LOXL2: variants seen among roughly 807,000 people sequenced by gnomAD.
The protein encoded by LOXL2 is lysyl oxidase like 2, also known as lysyl oxidase homolog 2.
LOXL2 carries 70 observed loss-of-function variants against 93.0 expected under a neutral mutation model. That is an observed-to-expected ratio of 0.75 (90% confidence interval 0.62 to 0.92). The LOEUF is 0.92. Among genes scored for constraint, LOXL2 ranks in the 40% least tolerant of loss-of-function variants. The pLI, the probability that LOXL2 is intolerant of heterozygous loss-of-function variation, is 0.00. For missense variants in LOXL2, 973 were observed against 1,054.9 expected (o/e 0.92, Z 1.08); for synonymous variants, 438 against 413.2 (o/e 1.06, Z -0.73).
At chr8:23,304,960 A>T (rs1172301913) in intron 10 of LOXL2, among the ~76,000 whole-genome samples, 1 of 152,200 alleles carries the variant, frequency 6.6e-6, no homozygotes, top group Non-Finnish European at 1.5e-5. Flanking sequence ...GCTAAAAATA[A>T]TATCAGAAGT....
chr8:23,365,749 A>T (rs536353757), intron 2 of LOXL2: 2 of 152,094 alleles, frequency 1.3e-5, no homozygotes, highest in Admixed American at 6.6e-5. Context: ...TCTCCATTTC[A>T]CCTTTCCTGC....
rs1215587111 is a variant in LOXL2, at chr8:23,368,416, C to T, written c.-65G>A. ...GCAGCTGGGAGGGACAGGCGGGGTA[C>T]AGAAGCAGCAGGAGCTTTCTGGAAG... On this transcript the variant is annotated 5_prime_UTR_variant, in exon 2 of 14. Coordinates refer to ENST00000389131, the MANE Select transcript of LOXL2 (RefSeq NM_002318.3). The T allele has an allele frequency of 7.2e-7, 1 of 1,379,774 alleles. No individual in the cohort carries two copies. The highest frequency in any genetic ancestry group is 1.0e-6 in the Non-Finnish European group (1 of 982,064). The allele number at this position is 1,379,774 out of a possible 1,614,324, so 85.5% of individuals were successfully genotyped here.
chr8:23,314,832 G>T (rs9644069), intron 9 of LOXL2, among the ~76,000 whole-genome samples: 36 of 149,268 alleles, frequency 2.4e-4, no homozygotes, highest in Admixed American at 2.3e-3. Flanking sequence ...AACGAAAAAA[G>T]AAAAAAATAA....
intron 3 of LOXL2, among the ~76,000 whole-genome samples, chr8:23,352,609 G>A (rs1169653449): frequency 6.6e-6 from 1 of 152,076 alleles, no homozygotes. Flanking sequence ...GAAACATTTG[G>A]CAGCTAACTG....
chr8:23,305,120 A>G (rs897529427), intron 10 of LOXL2, among the ~76,000 whole-genome samples: 3 of 152,196 alleles, frequency 2.0e-5, no homozygotes, highest in African/African-American at 4.8e-5. Context: ...AAGGAGCAAG[A>G]AGAGACATGA....
chr8:23,344,422 C>G (rs1803935141), intron 3 of LOXL2, among the ~76,000 whole-genome samples: 1 of 151,268 alleles, frequency 6.6e-6, no homozygotes, highest in African/African-American at 2.4e-5. Flanking sequence ...TGTGTGTGTG[C>G]ATGGTGGTGT....
chr8:23,379,518 T>C (rs1229041448), intron 1 of LOXL2, among the ~76,000 whole-genome samples: 5 of 152,234 alleles, frequency 3.3e-5, no homozygotes, highest in Non-Finnish European at 7.3e-5. Context: ...TGTTCGGCCA[T>C]GCCCTGCCCC....
chr8:23,388,335 T>C lies in LOXL2; in HGVS notation c.-84+15619A>G, dbSNP rs191084421. Reference sequence around the variant, plus strand: ...GCTCATGCCTGTAATCCTGGCACTTTGGGAGGCCAAGGTGGGATGATTGCT... The same window carrying C: ...GCTCATGCCTGTAATCCTGGCACTTCGGGAGGCCAAGGTGGGATGATTGCT... On this transcript the variant is annotated intron_variant, in intron 1 of 13. Coordinates refer to ENST00000389131, the MANE Select transcript of LOXL2 (RefSeq NM_002318.3). Among the ~76,000 whole-genome samples the C allele has an allele frequency of 2.8e-3, 424 of 152,274 alleles. 1 individual carries two copies. The highest frequency in any genetic ancestry group is 2.3e-3 in the Non-Finnish European group (158 of 68,010).
intron 4 of LOXL2, among the ~76,000 whole-genome samples, chr8:23,339,713 G>A (rs969909278): frequency 2.0e-5 from 3 of 152,206 alleles, no homozygotes; most frequent in Admixed American, 6.5e-5. Flanking sequence ...GAGTCGGGTG[G>A]GAGTTCTCCA....
At chr8:23,358,134 C>T (rs568535805) in intron 3 of LOXL2, among the ~76,000 whole-genome samples, 6 of 152,266 alleles carry the variant, frequency 3.9e-5, no homozygotes, top group African/African-American at 1.2e-4. Flanking sequence ...CAAGCCCATC[C>T]GTCAGATCAT....
intron 2 of LOXL2, 64 bp from the exon 3 acceptor site, chr8:23,360,329 G>A: frequency 7.9e-7 from 1 of 1,268,944 alleles, no homozygotes; most frequent in Non-Finnish European, 1.1e-6. Flanking sequence ...TCTTTGCGGG[G>A]CACCAGTGTC....
Position 23,320,179 on chromosome 8 carries a change from G to A in LOXL2, c.1303-127C>T, listed in dbSNP as rs1803471761. 5 of 1,015,954 alleles carry A rather than the reference G, an allele frequency of 4.9e-6. No individual in the cohort carries two copies. In the East Asian group the frequency reaches 1.3e-4, roughly 26 times the overall value. The allele number at this position is 1,015,954 out of a possible 1,614,324, so 62.9% of individuals were successfully genotyped here. A position where few individuals can be genotyped will look rare whatever the true frequency, so the allele number is the denominator to read the frequency against. ...GCTGCCCGGGACACACTCAGATTCA[G>A]CAGCACCCTTGGGAGCCCCCGGTGG... On this transcript the variant is annotated intron_variant, in intron 7 of 13. Coordinates refer to ENST00000389131, the MANE Select transcript of LOXL2 (RefSeq NM_002318.3).
At chr8:23,328,709 A>ATATGTGTG in intron 5 of LOXL2, 144 bp from the exon 6 acceptor site, 3 of 458,994 alleles carry the variant, frequency 6.5e-6, no homozygotes, top group South Asian at 4.9e-5. Flanking sequence ...TGATGTATGG[A>ATATGTGTG]TGTGTGTGTG....
At position 23,309,837 on chromosome 8, in the gene LOXL2, G is replaced by C. The variant is rs1330114295; in HGVS notation, c.1711C>G (p.Leu571Val). 6.9e-6 allele frequency: 11 copies of C among 1,600,116 alleles called. No individual in the cohort carries two copies. The highest frequency in any genetic ancestry group is 9.4e-6 in the Non-Finnish European group (11 of 1,173,148). The change falls in exon 10 of 14, where the codon CTG becomes GTG. Residue 571 changes from leucine to valine, a missense_variant. By Grantham distance (32) the Leu-to-Val change is conservative. Transcript: ENST00000389131. ...TYLEDRPMFM[L>V]QCAMEENCLS... Reference sequence around the variant, plus strand: ...CAGTTCTCCTCCATGGCACACTGCAGCATGAACATGGGCCGGTCCTCCAGG... The same window carrying C: ...CAGTTCTCCTCCATGGCACACTGCACCATGAACATGGGCCGGTCCTCCAGG...
chr8:23,356,660 G>C (rs987667337), intron 3 of LOXL2, among the ~76,000 whole-genome samples: 7 of 152,198 alleles, frequency 4.6e-5, no homozygotes, highest in African/African-American at 1.7e-4. Flanking sequence ...AGTTCCCTAA[G>C]TCTCTGTGGT....
At position 23,317,115 on chromosome 8, in the gene LOXL2, C is replaced by G; in HGVS notation, c.1471-1G>C. 6.2e-7 allele frequency: 1 copy of G among 1,613,970 alleles called. No individual in the cohort carries two copies. The highest frequency in any genetic ancestry group is 8.5e-7 in the Non-Finnish European group (1 of 1,179,964). On this transcript the variant is annotated splice_acceptor_variant, in intron 8 of 13. Coordinates refer to ENST00000389131, the MANE Select transcript of LOXL2 (RefSeq NM_002318.3). LOFTEE classifies it high-confidence loss of function. Reference sequence around the variant, plus strand: ...CATCTCCGTGCCAATACCAGGTCTCCTGGAAGAACCAACAAAACAAATGGT... The same window carrying G: ...CATCTCCGTGCCAATACCAGGTCTCGTGGAAGAACCAACAAAACAAATGGT...
intron 6 of LOXL2, among the ~76,000 whole-genome samples, chr8:23,326,410 G>A (rs962405643): frequency 3.9e-5 from 6 of 152,132 alleles, no homozygotes; most frequent in African/African-American, 1.4e-4. Context: ...GGCCCTTGGA[G>A]AGCACAAACC....
chr8:23,354,809 G>A (rs1250101481), intron 3 of LOXL2, among the ~76,000 whole-genome samples: 1 of 151,670 alleles, frequency 6.6e-6, no homozygotes, highest in African/African-American at 2.4e-5. Context: ...GTTCGTGCTT[G>A]AATTCCTCCA....
rs551173920 is a variant in LOXL2, at chr8:23,359,054, G to A, written c.531+1036C>T. ...TTTTTAGTAGAGACGGGGTTTCACCGTGTTAGCCAGGATGGTCTCGATCTC... is the reference window on the plus strand; with the variant it reads ...TTTTTAGTAGAGACGGGGTTTCACCATGTTAGCCAGGATGGTCTCGATCTC... On this transcript the variant is annotated intron_variant, in intron 3 of 13. Transcript: ENST00000389131. 1.2e-3 allele frequency among the ~76,000 whole-genome samples: 177 copies of A among 151,710 alleles called. No individual in the cohort carries two copies. In the Middle Eastern group the frequency reaches 0.02, roughly 17 times the overall value.
Sources: gnomAD v4.1 joint callset for allele counts (sites outside exome capture counted in the v4.1 genomes callset) on GRCh38, gnomAD v4.1.1 for gene constraint, MANE v1.5 for transcripts, NCBI Gene and HGNC (gene_info 2026-07-23, HGNC 2026-07-21) for gene names.